ANGPT1: variants seen among roughly 807,000 people sequenced by gnomAD.
The protein encoded by ANGPT1 is angiopoietin-1.
A neutral mutation model predicts 62.2 loss-of-function variants in ANGPT1; 17 were observed. The observed-to-expected ratio is 0.27, with a 90% CI of 0.19 to 0.41. ANGPT1 has a LOEUF of 0.41. Among genes scored for constraint, ANGPT1 ranks in the 10% least tolerant of loss-of-function variants. ANGPT1 has a pLI of 1.00. For synonymous variants in ANGPT1, 199 were observed against 198.9 expected (o/e 1.00, Z 0.00); for missense variants, 478 against 594.9 (o/e 0.80, Z 2.04).
chr8:107,286,272 T>A (rs1318260909), intron 6 of ANGPT1, among the ~76,000 whole-genome samples: 1 of 152,118 alleles, frequency 6.6e-6, no homozygotes, highest in Non-Finnish European at 1.5e-5. Flanking sequence ...AAGTTAAATA[T>A]TAGTGGGAAA....
At chr8:107,284,464 G>A (rs1390164395) in intron 7 of ANGPT1, 1 of 314,642 alleles carries the variant, frequency 3.2e-6, no homozygotes, top group Non-Finnish European at 5.7e-6. Context: ...TAAAATTTAA[G>A]CCAATATCAA....
chr8:107,354,092 T>A (rs948737141), intron 1 of ANGPT1, among the ~76,000 whole-genome samples: 1 of 152,158 alleles, frequency 6.6e-6, no homozygotes, highest in Non-Finnish European at 1.5e-5. Flanking sequence ...CTGCTGAAAG[T>A]TGCCAAAGTC....
At chr8:107,283,119 A>G (rs1373698855) in intron 7 of ANGPT1, among the ~76,000 whole-genome samples, 1 of 152,212 alleles carries the variant, frequency 6.6e-6, no homozygotes, top group Non-Finnish European at 1.5e-5. Flanking sequence ...ATTATTTGCT[A>G]GTCCTATTGT....
At chr8:107,342,346 C>T (rs1003805292) in intron 2 of ANGPT1, among the ~76,000 whole-genome samples, 22 of 152,144 alleles carry the variant, frequency 1.4e-4, no homozygotes, top group African/African-American at 4.6e-4. Flanking sequence ...TAAATCCTGT[C>T]GATAGAGCAG....
intron 1 of ANGPT1, among the ~76,000 whole-genome samples, chr8:107,453,718 G>A (rs1195271244): frequency 6.6e-6 from 1 of 151,860 alleles, no homozygotes; most frequent in African/African-American, 2.4e-5. Flanking sequence ...GTGATGTTTG[G>A]CTATTTATCA....
At chr8:107,457,573 T>C (rs906299194) in intron 1 of ANGPT1, among the ~76,000 whole-genome samples, 23 of 152,008 alleles carry the variant, frequency 1.5e-4, no homozygotes, top group African/African-American at 5.6e-4. Context: ...GATAAAGCTT[T>C]GCCAATCCCA....
At chr8:107,450,209 A>T (rs538436396) in intron 1 of ANGPT1, among the ~76,000 whole-genome samples, 1 of 152,160 alleles carries the variant, frequency 6.6e-6, no homozygotes, top group Non-Finnish European at 1.5e-5. Context: ...TTTAAAAAGT[A>T]ATTTTAAAGC....
intron 1 of ANGPT1, among the ~76,000 whole-genome samples, chr8:107,445,227 G>A (rs1811586147): frequency 1.3e-5 from 2 of 152,042 alleles, no homozygotes; most frequent in Non-Finnish European, 2.9e-5. Flanking sequence ...AACATATATC[G>A]GATTGATTAT....
At chr8:107,344,103 A>G (rs1815753521) in intron 2 of ANGPT1, among the ~76,000 whole-genome samples, 1 of 152,156 alleles carries the variant, frequency 6.6e-6, no homozygotes, top group Non-Finnish European at 1.5e-5. Context: ...ATAGGATGGT[A>G]TATCATCTAC....
At chr8:107,469,880 C>T (rs899323429) in intron 1 of ANGPT1, among the ~76,000 whole-genome samples, 2 of 152,016 alleles carry the variant, frequency 1.3e-5, no homozygotes, top group Non-Finnish European at 2.9e-5. Flanking sequence ...ATATGGATAA[C>T]ACCATCATAC....
At chr8:107,481,920 GGAACTACAATTCA>G (rs1812700001) in intron 1 of ANGPT1, among the ~76,000 whole-genome samples, 1 of 152,178 alleles carries the variant, frequency 6.6e-6, no homozygotes, top group South Asian at 2.1e-4. Flanking sequence ...GGGGATTATA[GGAACTACAATTCA>G]AGATGATATT....
At chr8:107,461,240 T>G (rs1179903496) in intron 1 of ANGPT1, among the ~76,000 whole-genome samples, 1 of 152,094 alleles carries the variant, frequency 6.6e-6, no homozygotes, top group South Asian at 2.1e-4. Context: ...AGCATTTCAC[T>G]TTTGAAATTT....
At chr8:107,355,713 T>C (rs1816029946) in intron 1 of ANGPT1, among the ~76,000 whole-genome samples, 1 of 152,176 alleles carries the variant, frequency 6.6e-6, no homozygotes, top group African/African-American at 2.4e-5. Flanking sequence ...AAAACTCAGT[T>C]CAAGCTTTTC....
At chr8:107,339,326 A>T (rs1252001277) in intron 2 of ANGPT1, among the ~76,000 whole-genome samples, 1 of 152,184 alleles carries the variant, frequency 6.6e-6, no homozygotes, top group Non-Finnish European at 1.5e-5. Context: ...CTGGTCTGAA[A>T]AGACCCACGT....
At chr8:107,351,526 A>G (rs1011785048) in intron 1 of ANGPT1, among the ~76,000 whole-genome samples, 25 of 151,894 alleles carry the variant, frequency 1.6e-4, no homozygotes, top group African/African-American at 6.0e-4. Flanking sequence ...TTTCAATTTT[A>G]GTCAGCTATT....
chr8:107,271,213 C>T (rs1813726299), intron 7 of ANGPT1, among the ~76,000 whole-genome samples: 1 of 152,052 alleles, frequency 6.6e-6, no homozygotes, highest in Admixed American at 6.6e-5. Context: ...CAATCTAGCT[C>T]TTATTCTTTC....
rs2130051215 is a variant in ANGPT1, at chr8:107,267,219, T to C, written c.1206-2868A>G. On this transcript the variant is annotated intron_variant, in intron 7 of 8. Coordinates refer to ENST00000517746, the MANE Select transcript of ANGPT1 (RefSeq NM_001146.5). Reference sequence around the variant, plus strand: ...TAGAAATAGAATTATACTTTACATGTTTCTGTATGAGATTATTTTCAAATA... The same window carrying C: ...TAGAAATAGAATTATACTTTACATGCTTCTGTATGAGATTATTTTCAAATA... Among the ~76,000 whole-genome samples the C allele has an allele frequency of 1.3e-5, 2 of 152,210 alleles. 1 individual carries two copies. Among genetic ancestry groups the C allele is most frequent in the East Asian group, 3.9e-4 (2 of 5,182 alleles).
chr8:107,381,820 A>G (rs1053494936), intron 1 of ANGPT1, among the ~76,000 whole-genome samples: 1 of 152,178 alleles, frequency 6.6e-6, no homozygotes. Context: ...AGCAAGCCCT[A>G]CAGGGTATTA....
chr8:107,426,982 G>GT (rs1182631123), intron 1 of ANGPT1, among the ~76,000 whole-genome samples: 1 of 152,120 alleles, frequency 6.6e-6, no homozygotes, highest in Non-Finnish European at 1.5e-5. Context: ...AAATATATGT[G>GT]TATGTATTAA....
Sources: allele counts gnomAD v4.1 joint callset (sites outside exome capture counted in the v4.1 genomes callset), GRCh38; gene constraint gnomAD v4.1.1; transcripts MANE v1.5; gene names NCBI Gene and HGNC (gene_info 2026-07-23, HGNC 2026-07-21).